Variants in CTNNA3 observed in about 807,000 individuals in gnomAD.
CTNNA3 encodes the protein catenin alpha-3.
A neutral mutation model predicts 95.7 loss-of-function variants in CTNNA3; 76 were observed. The observed-to-expected ratio is 0.79, with a 90% CI of 0.66 to 0.96. The LOEUF (loss-of-function observed/expected upper bound fraction) is 0.96. Ranked by LOEUF, CTNNA3 falls within the 40% of genes least tolerant of loss-of-function variation. The pLI is 0.00. For synonymous variants in CTNNA3, 431 were observed against 374.4 expected (o/e 1.15, Z -1.74); for missense variants, 1,191 against 1,089.8 (o/e 1.09, Z -1.31).
intron 5 of CTNNA3, among the ~76,000 whole-genome samples, chr10:67,509,232 T>A (rs1000252823): frequency 5.3e-5 from 8 of 151,924 alleles, no homozygotes; most frequent in African/African-American, 1.9e-4. Context: ...AGGGTACATG[T>A]GCACAATGTG....
intron 9 of CTNNA3, among the ~76,000 whole-genome samples, chr10:66,733,949 T>C (rs1254625490): frequency 6.6e-6 from 1 of 151,788 alleles, no homozygotes; most frequent in East Asian, 1.9e-4. Flanking sequence ...CCACATTTAT[T>C]GCAAATATTT....
intron 9 of CTNNA3, among the ~76,000 whole-genome samples, chr10:66,664,755 TTTC>T (rs930922134): frequency 1.3e-5 from 2 of 152,200 alleles, no homozygotes; most frequent in Admixed American, 1.3e-4. Context: ...CTCACTGATA[TTTC>T]TCACTGGGAA....
intron 11 of CTNNA3, among the ~76,000 whole-genome samples, chr10:66,440,331 G>T (rs987612882): frequency 1.3e-5 from 2 of 151,980 alleles, no homozygotes; most frequent in Middle Eastern, 3.4e-3. Context: ...TTCTATTTCA[G>T]ATTTGCCTAT....
chr10:66,450,047 T>C (rs117724707), intron 11 of CTNNA3, among the ~76,000 whole-genome samples: 6 of 152,218 alleles, frequency 3.9e-5, no homozygotes, highest in Non-Finnish European at 5.9e-5. Context: ...ATTATTTTTT[T>C]AACTGACCTT....
chr10:66,036,997 C>T lies in CTNNA3; in HGVS notation c.2159+32311G>A, dbSNP rs1048633842. On this transcript the variant is annotated intron_variant, in intron 15 of 17. Coordinates refer to ENST00000433211, the MANE Select transcript of CTNNA3 (RefSeq NM_013266.4). ...ACGCCATTCTCCTGCCTCAGCCTCCCGAGTAGCTGGGACTACAGGCACCCG... is the reference window on the plus strand; with the variant it reads ...ACGCCATTCTCCTGCCTCAGCCTCCTGAGTAGCTGGGACTACAGGCACCCG... 4.0e-5 allele frequency among the ~76,000 whole-genome samples: 6 copies of T among 151,024 alleles called. No individual in the cohort carries two copies. The East Asian group carries it at 5.9e-4, about 15-fold the overall frequency.
chr10:67,584,034 A>AGC (rs1285573046), intron 3 of CTNNA3, among the ~76,000 whole-genome samples: 7 of 151,540 alleles, frequency 4.6e-5, no homozygotes, highest in Admixed American at 4.6e-4. Flanking sequence ...GAAGTTTGTT[A>AGC]TTCCTGATCA....
chr10:67,071,512 G>T (rs77382323), intron 7 of CTNNA3, among the ~76,000 whole-genome samples: 3,231 of 41,262 alleles, frequency 0.078, 91 homozygotes, highest in African/African-American at 0.26. Context: ...AGTTTTTTTT[G>T]TTTGTTTGTT....
chr10:66,534,419 T>G (rs1034930263), intron 10 of CTNNA3, among the ~76,000 whole-genome samples: 37 of 151,168 alleles, frequency 2.4e-4, no homozygotes, highest in African/African-American at 8.7e-4. Flanking sequence ...GATGCTACTA[T>G]TAAAAGAGAA....
chr10:66,373,067 A>G (rs2092765927), intron 12 of CTNNA3, among the ~76,000 whole-genome samples: 1 of 152,114 alleles, frequency 6.6e-6, no homozygotes, highest in African/African-American at 2.4e-5. Flanking sequence ...TAAAATTTCT[A>G]TCACTGTGTC....
intron 9 of CTNNA3, among the ~76,000 whole-genome samples, chr10:66,757,311 T>C (rs2132751035): frequency 6.6e-6 from 1 of 152,218 alleles, no homozygotes. Flanking sequence ...GGAAGAATAT[T>C]CATAACAAAA....
intron 11 of CTNNA3, among the ~76,000 whole-genome samples, chr10:66,411,482 TATG>T (rs1255613796): frequency 6.6e-6 from 1 of 152,072 alleles, no homozygotes; most frequent in Admixed American, 6.6e-5. Context: ...TAATTATGAA[TATG>T]ATAATTACCA....
At chr10:66,386,626 C>A (rs914746655) in intron 11 of CTNNA3, among the ~76,000 whole-genome samples, 6 of 152,148 alleles carry the variant, frequency 3.9e-5, no homozygotes, top group Non-Finnish European at 5.9e-5. Context: ...CAAAAAAGAG[C>A]CCACATTGCC....
chr10:67,230,611 C>T (rs943788527), intron 5 of CTNNA3, among the ~76,000 whole-genome samples: 2 of 151,978 alleles, frequency 1.3e-5, no homozygotes, highest in Non-Finnish European at 2.9e-5. Flanking sequence ...AACAAAAATC[C>T]CATCAAAAAG....
At chr10:66,273,545 C>T (rs761005229) in intron 13 of CTNNA3, among the ~76,000 whole-genome samples, 11 of 152,146 alleles carry the variant, frequency 7.2e-5, no homozygotes, top group Non-Finnish European at 1.6e-4. Flanking sequence ...TGACAGAATA[C>T]AGCTGATGAA....
chr10:67,045,335 T>C (rs551765132), intron 7 of CTNNA3, among the ~76,000 whole-genome samples: 2 of 152,238 alleles, frequency 1.3e-5, no homozygotes, highest in South Asian at 2.1e-4. Context: ...CCACAGGAGA[T>C]TGAAATTGGC....
rs2093274530 is a variant in CTNNA3, at chr10:66,429,389, C to A, written c.1532-50037G>T. 2.0e-5 allele frequency among the ~76,000 whole-genome samples: 3 copies of A among 151,730 alleles called. No homozygotes were observed. The South Asian group carries it at 6.2e-4, about 32-fold the overall frequency. On this transcript the variant is annotated intron_variant, in intron 11 of 17. Transcript: ENST00000433211. Reference sequence around the variant, plus strand: ...ACCAATAGAAAAAGAGGGAATCCTCCCTAACTCATTTTATGAGGCCAGCAT... The same window carrying A: ...ACCAATAGAAAAAGAGGGAATCCTCACTAACTCATTTTATGAGGCCAGCAT...
intron 7 of CTNNA3, among the ~76,000 whole-genome samples, chr10:67,061,893 G>T (rs1335267418): frequency 6.6e-6 from 1 of 152,102 alleles, no homozygotes; most frequent in Non-Finnish European, 1.5e-5. Context: ...GATTCATGCA[G>T]AGTTTTATAG....
In CTNNA3 at chr10:66,368,499, G is replaced by A. The variant is rs551188267; in HGVS notation, c.1732+10653C>T. Among the ~76,000 whole-genome samples, 50 of 151,726 alleles carry A rather than the reference G, an allele frequency of 3.3e-4. 1 individual carries two copies. Among genetic ancestry groups the A allele is most frequent in the African/African-American group, 1.2e-3 (49 of 41,376 alleles). ...TGTGTTCCTTTACTGTTATTTTAAC[G>A]GGATGTTAGACTGGGACTGCGTAGT... On this transcript the variant is annotated intron_variant, in intron 12 of 17. Coordinates refer to ENST00000433211, the MANE Select transcript of CTNNA3 (RefSeq NM_013266.4).
At chr10:67,636,245 A>G (rs925153954) in intron 2 of CTNNA3, among the ~76,000 whole-genome samples, 2 of 152,200 alleles carry the variant, frequency 1.3e-5, no homozygotes, top group Non-Finnish European at 2.9e-5. Context: ...ATACTGCCCA[A>G]AGCAATTTAT....
Sources: gnomAD v4.1 joint callset for allele counts (sites outside exome capture counted in the v4.1 genomes callset) on GRCh38, gnomAD v4.1.1 for gene constraint, MANE v1.5 for transcripts, NCBI Gene and HGNC (gene_info 2026-07-23, HGNC 2026-07-21) for gene names.